FBXL7: variants seen among roughly 807,000 people sequenced by gnomAD.
The protein encoded by FBXL7 is F-box/LRR-repeat protein 7.
FBXL7 carries 12 observed loss-of-function variants against 38.3 expected under a neutral mutation model. That is an observed-to-expected ratio of 0.31 (90% CI 0.20 to 0.51). The LOEUF is 0.51. Ranked by LOEUF, FBXL7 falls within the 20% of genes least tolerant of loss-of-function variation. The pLI is 0.98. For synonymous variants in FBXL7, 297 were observed against 300.9 expected, an observed-to-expected ratio of 0.99 and a Z score of 0.13; for missense variants, 567 against 676.4, an observed-to-expected ratio of 0.84 and a Z score of 1.79.
At chr5:15,585,662 TC>T (rs1303182911) in intron 1 of FBXL7, among the ~76,000 whole-genome samples, 1 of 152,226 alleles carries the variant, frequency 6.6e-6, no homozygotes, top group East Asian at 1.9e-4. Context: ...TTTTCTTCTA[TC>T]CAAGGCTCAG....
chr5:15,551,889 G>T (rs989450550), intron 1 of FBXL7, among the ~76,000 whole-genome samples: 3 of 152,166 alleles, frequency 2.0e-5, no homozygotes, highest in African/African-American at 7.2e-5. Context: ...CTTCTTTCTT[G>T]TAAAGAGTCC....
At chr5:15,741,791 G>T (rs1186913597) in intron 2 of FBXL7, among the ~76,000 whole-genome samples, 2 of 151,280 alleles carry the variant, frequency 1.3e-5, no homozygotes, top group African/African-American at 4.8e-5. Flanking sequence ...AAGAAGTACA[G>T]GAAAAGAACA....
chr5:15,920,213 C>T (rs1741701821), intron 2 of FBXL7, among the ~76,000 whole-genome samples: 1 of 151,794 alleles, frequency 6.6e-6, no homozygotes, highest in South Asian at 2.1e-4. Flanking sequence ...GCCAAGATTG[C>T]ACCACTGCAC....
rs191169689 is a variant in FBXL7, at chr5:15,729,729, G to A, written c.127+113657G>A. ...TGATGTATGGAAATAAATGTGAGCC[G>A]TAAATAGTAATGATAATTTTCATCA... On this transcript the variant is annotated intron_variant, in intron 2 of 3. Transcript: ENST00000504595. Among the ~76,000 whole-genome samples the A allele has an allele frequency of 3.3e-4, 50 of 152,196 alleles. No homozygotes were observed. The Middle Eastern group carries it at 0.01, about 31-fold the overall frequency.
chr5:15,771,460 G>T (rs1211408773), intron 2 of FBXL7, among the ~76,000 whole-genome samples: 1 of 152,158 alleles, frequency 6.6e-6, no homozygotes, highest in Non-Finnish European at 1.5e-5. Flanking sequence ...TATTAAGTCC[G>T]TGGTGCCATA....
intron 3 of FBXL7, among the ~76,000 whole-genome samples, chr5:15,935,874 G>A (rs1480992928): frequency 6.6e-6 from 1 of 152,182 alleles, no homozygotes; most frequent in East Asian, 1.9e-4. Flanking sequence ...ACAGTTCTGA[G>A]AAGCAGCAAC....
chr5:15,713,497 C>A (rs1743944732), intron 2 of FBXL7, among the ~76,000 whole-genome samples: 1 of 152,192 alleles, frequency 6.6e-6, no homozygotes, highest in South Asian at 2.1e-4. Flanking sequence ...CCAAATCTAA[C>A]TTCCCTATCA....
At chr5:15,616,358 T>C (rs1038336064) in intron 2 of FBXL7, among the ~76,000 whole-genome samples, 1 of 152,234 alleles carries the variant, frequency 6.6e-6, no homozygotes, top group Non-Finnish European at 1.5e-5. Context: ...TACAATATCA[T>C]ATACCTTGTC....
At chr5:15,934,527 TAGG>T (rs1333318847) in intron 3 of FBXL7, among the ~76,000 whole-genome samples, 5 of 152,092 alleles carry the variant, frequency 3.3e-5, no homozygotes, top group Non-Finnish European at 7.4e-5. Flanking sequence ...ACATATTTTT[TAGG>T]AGATTAGAAA....
At chr5:15,727,219 GAAA>G (rs201912338) in intron 2 of FBXL7, among the ~76,000 whole-genome samples, 1 of 149,784 alleles carries the variant, frequency 6.7e-6, no homozygotes, top group African/African-American at 2.5e-5. Context: ...CTTAAATTAA[GAAA>G]AAAAAATGGA....
intron 1 of FBXL7, among the ~76,000 whole-genome samples, chr5:15,562,491 C>T (rs1374702314): frequency 6.6e-6 from 1 of 152,140 alleles, no homozygotes; most frequent in African/African-American, 2.4e-5. Flanking sequence ...AAATGGCCAA[C>T]AGGTATATGA....
chr5:15,815,245 G>A (rs113301652), intron 2 of FBXL7, among the ~76,000 whole-genome samples: 4 of 152,244 alleles, frequency 2.6e-5, no homozygotes, highest in African/African-American at 9.6e-5. Flanking sequence ...TGAAAGGAAT[G>A]AAGGAAGGGA....
At chr5:15,641,941 TTGTGTG>T (rs199980981) in intron 2 of FBXL7, among the ~76,000 whole-genome samples, 20,017 of 141,472 alleles carry the variant, frequency 0.14, 1,397 homozygotes, top group Non-Finnish European at 0.16. Context: ...ACATAAAACC[TTGTGTG>T]TGTGTGTGTG....
intron 2 of FBXL7, among the ~76,000 whole-genome samples, chr5:15,823,720 G>A (rs758670233): frequency 7.9e-5 from 12 of 152,128 alleles, no homozygotes; most frequent in Non-Finnish European, 1.5e-4. Flanking sequence ...CCAGCAAGCC[G>A]TATTGATGTC....
At chr5:15,927,796 A>AAAAATAC in intron 2 of FBXL7, 94 bp from the exon 3 acceptor site, 1 of 821,498 alleles carries the variant, frequency 1.2e-6, no homozygotes. Context: ...AAGAAGAAGA[A>AAAAATAC]AGAAAAGAAA....
chr5:15,516,277 G>A (rs531007879), intron 1 of FBXL7, among the ~76,000 whole-genome samples: 2 of 152,094 alleles, frequency 1.3e-5, no homozygotes, highest in South Asian at 4.2e-4. Flanking sequence ...CTTCCCATGT[G>A]ATTACCCGTC....
chr5:15,771,546 T>C (rs1200969169), intron 2 of FBXL7, among the ~76,000 whole-genome samples: 2 of 152,156 alleles, frequency 1.3e-5, no homozygotes, highest in African/African-American at 4.8e-5. Flanking sequence ...AAGGGAGAGA[T>C]ATCAGAATGT....
At chr5:15,776,085 G>GTGA (rs754287917) in intron 2 of FBXL7, among the ~76,000 whole-genome samples, 3 of 151,982 alleles carry the variant, frequency 2.0e-5, no homozygotes, top group Non-Finnish European at 4.4e-5. Context: ...AAAAATAATA[G>GTGA]TGATAATAAT....
intron 2 of FBXL7, among the ~76,000 whole-genome samples, chr5:15,710,975 G>A (rs1203615605): frequency 2.0e-5 from 3 of 152,064 alleles, no homozygotes; most frequent in Non-Finnish European, 4.4e-5. Context: ...GAATTATGGG[G>A]GTGAGTCTTT....
Sources: gnomAD v4.1 joint callset for allele counts (sites outside exome capture counted in the v4.1 genomes callset) on GRCh38, gnomAD v4.1.1 for gene constraint, MANE v1.5 for transcripts, NCBI Gene and HGNC (gene_info 2026-07-23, HGNC 2026-07-21) for gene names.